The following SYNE3 variants were observed in gnomAD, a reference collection of about 807,000 sequenced individuals.
The protein encoded by SYNE3 is nesprin-3.
Under a neutral mutation model 111.2 loss-of-function variants are expected in SYNE3, and 100 were observed. The observed-to-expected ratio is 0.90, with a 90% CI of 0.77 to 1.06. SYNE3 has a LOEUF of 1.06. SYNE3 is among the 50% of genes least tolerant of loss of function. The pLI is 0.00. For missense variants in SYNE3, 1,160 were observed against 1,240.3 expected (o/e 0.94, Z 0.97); for synonymous variants, 547 against 533.9 (o/e 1.02, Z -0.34).
At chr14:95,501,756 A>G (rs545192331) in intron 1 of SYNE3, among the ~76,000 whole-genome samples, 1 of 152,342 alleles carries the variant, frequency 6.6e-6, no homozygotes, top group South Asian at 2.1e-4. Context: ...CAGCGCAGCA[A>G]AGCATGAAGT....
intron 4 of SYNE3, 96 bp from the exon 5 acceptor site, chr14:95,457,434 GT>G: frequency 6.9e-7 from 1 of 1,442,090 alleles, no homozygotes; most frequent in East Asian, 2.3e-5. Context: ...GTGTGTGTGT[GT>G]GTGTGTGTGT....
chr14:95,509,445 G>A (rs1348058176), intron 1 of SYNE3, among the ~76,000 whole-genome samples: 2 of 152,168 alleles, frequency 1.3e-5, no homozygotes, highest in Non-Finnish European at 2.9e-5. Context: ...CTGGGCTGAG[G>A]GGGTGAACTA....
rs1164705730 is a variant in SYNE3 at position 95,500,756 on chromosome 14, C to A, written c.-15+15840G>T. ...AGGACCCTGGGTTGTCCCCAGCAGC[C>A]CCATAGCAGAGTCACTGACCCTTCC... On this transcript the variant is annotated intron_variant, in intron 1 of 17. Transcript: ENST00000682763. This position sits in a 1 kb window ranked among gnomAD's most constrained non-coding sequence, Gnocchi z 4.7. Among the ~76,000 whole-genome samples, 2 of 152,168 alleles carry A rather than the reference C, an allele frequency of 1.3e-5. No individual in the cohort carries two copies. Among genetic ancestry groups the A allele is most frequent in the Non-Finnish European group, 2.9e-5 (2 of 68,034 alleles).
rs1015034213 is a variant in SYNE3, at chr14:95,500,185, T to C, written c.-15+16411A>G. Among the ~76,000 whole-genome samples, 1 of 152,126 alleles carries C rather than the reference T, an allele frequency of 6.6e-6. No homozygotes were observed. The highest frequency in any genetic ancestry group is 6.5e-5 in the Admixed American group (1 of 15,278). ...TACCTCCTGTCTTATATCTGAGATA[T>C]CCAGAGGACCCTTGAGACCTTCTCC... On this transcript the variant is annotated intron_variant, in intron 1 of 17. Coordinates refer to ENST00000682763, the MANE Select transcript of SYNE3 (RefSeq NM_152592.6). This position sits in a 1 kb window ranked among gnomAD's most constrained non-coding sequence, Gnocchi z 4.7.
chr14:95,469,566 C>G (rs1002550700), intron 2 of SYNE3, among the ~76,000 whole-genome samples: 1 of 148,972 alleles, frequency 6.7e-6, no homozygotes, highest in Non-Finnish European at 1.5e-5. Flanking sequence ...TAAAAATTAG[C>G]CGGATGTAGT....
intron 1 of SYNE3, among the ~76,000 whole-genome samples, chr14:95,507,088 T>C (rs1363145234): frequency 6.6e-6 from 1 of 152,288 alleles, no homozygotes; most frequent in East Asian, 1.9e-4. Flanking sequence ...ACCCCCACCT[T>C]ACAGCAAAGA....
chr14:95,470,126 G>A lies in SYNE3; in HGVS notation c.145-2159C>T, dbSNP rs968084943. On this transcript the variant is annotated intron_variant, in intron 2 of 17. Transcript: ENST00000682763. This position sits in a 1 kb window ranked among gnomAD's most constrained non-coding sequence, Gnocchi z 4.2. ...GTGGCCACAGCAAGTACCCACACAG[G>A]GACCCCGAGTCCCTCTCAGCAGCGA... Among the ~76,000 whole-genome samples the A allele has an allele frequency of 6.6e-6, 1 of 152,094 alleles. No individual in the cohort carries two copies. Among genetic ancestry groups the A allele is most frequent in the Non-Finnish European group, 1.5e-5 (1 of 68,004 alleles).
chr14:95,422,574 C>G (rs1382962263), intron 17 of SYNE3, among the ~76,000 whole-genome samples: 1 of 152,208 alleles, frequency 6.6e-6, no homozygotes, highest in Non-Finnish European at 1.5e-5. Context: ...TGTGCTCTGA[C>G]CTGGGGCCTG....
rs758563267 is a variant in SYNE3, at chr14:95,475,808, G to A, written c.14C>T (p.Pro5Leu). 42 of 1,568,158 alleles carry A rather than the reference G, an allele frequency of 2.7e-5. No individual in the cohort carries two copies. The highest frequency in any genetic ancestry group is 3.4e-5 in the Non-Finnish European group (40 of 1,159,464). MTQQ[P>L]QDDFDRSVED... Reference sequence around the variant, plus strand: ...CACGCTCCTGTCAAAGTCGTCCTGGGGCTGCTGAGTCATGGCACCTGCAGG... The same window carrying A: ...CACGCTCCTGTCAAAGTCGTCCTGGAGCTGCTGAGTCATGGCACCTGCAGG... Residue 5 changes from proline to leucine, a missense_variant, in exon 2 of 18, where the codon CCC becomes CTC. Pro to Leu is a moderately conservative substitution (Grantham distance 98). Transcript: ENST00000682763.
At chr14:95,491,107 C>T (rs532992114) in intron 1 of SYNE3, among the ~76,000 whole-genome samples, 2 of 152,250 alleles carry the variant, frequency 1.3e-5, no homozygotes, top group South Asian at 4.2e-4. Flanking sequence ...GCTGGAACTG[C>T]CCCCAGATTT....
At chr14:95,504,785 A>G (rs179161) in intron 1 of SYNE3, among the ~76,000 whole-genome samples, 95,758 of 151,928 alleles carry the variant, frequency 0.63, 30,925 homozygotes, top group African/African-American at 0.76. Flanking sequence ...GTTCGAGATC[A>G]GCCTGAACAA....
chr14:95,490,422 A>C (rs565539422), intron 1 of SYNE3, among the ~76,000 whole-genome samples: 1 of 152,356 alleles, frequency 6.6e-6, no homozygotes, highest in African/African-American at 2.4e-5. Flanking sequence ...AGCACCATAC[A>C]GGGCTTCAGA....
chr14:95,506,067 T>TA (rs949898168), intron 1 of SYNE3, among the ~76,000 whole-genome samples: 1 of 152,020 alleles, frequency 6.6e-6, no homozygotes, highest in African/African-American at 2.4e-5. Context: ...AAGAACAAGT[T>TA]AAAAAAATTT....
intron 1 of SYNE3, among the ~76,000 whole-genome samples, chr14:95,478,095 C>T (rs1888998742): frequency 6.6e-6 from 1 of 152,038 alleles, no homozygotes; most frequent in Non-Finnish European, 1.5e-5. Context: ...CAGATGAAAC[C>T]CAGGGACCCG....
chr14:95,426,231 C>T (rs1234127453), intron 17 of SYNE3, among the ~76,000 whole-genome samples: 7 of 152,180 alleles, frequency 4.6e-5, no homozygotes, highest in Non-Finnish European at 7.3e-5. Context: ...TGTAGACGGA[C>T]GGAGTGGCGA....
At chr14:95,513,737 T>TATATATATATATATA (rs1480614847) in intron 1 of SYNE3, among the ~76,000 whole-genome samples, 6 of 92,506 alleles carry the variant, frequency 6.5e-5, no homozygotes, top group African/African-American at 1.4e-4. Context: ...GCTGCTTAGA[T>TATATATATATATATA]TATATATATA....
At chr14:95,471,515 C>A (rs556978382) in intron 2 of SYNE3, among the ~76,000 whole-genome samples, 6 of 152,350 alleles carry the variant, frequency 3.9e-5, no homozygotes, top group African/African-American at 1.2e-4. Flanking sequence ...ACCAAGCCCC[C>A]TTCCCCGACC....
At chr14:95,491,005 G>T (rs1239136611) in intron 1 of SYNE3, among the ~76,000 whole-genome samples, 1 of 152,232 alleles carries the variant, frequency 6.6e-6, no homozygotes, top group Non-Finnish European at 1.5e-5. Context: ...AGAGGAGGAG[G>T]GCAGTGCTGC....
chr14:95,480,822 C>T (rs141088383), intron 1 of SYNE3, among the ~76,000 whole-genome samples: 5 of 152,188 alleles, frequency 3.3e-5, no homozygotes, highest in Admixed American at 1.3e-4. Flanking sequence ...AAGGACAGGC[C>T]CACACCACGT....
Sources: gnomAD v4.1 joint callset for allele counts (sites outside exome capture counted in the v4.1 genomes callset) on GRCh38, gnomAD v4.1.1 for gene constraint, Gnocchi (gnomAD v3.1) non-coding constraint, MANE v1.5 for transcripts, NCBI Gene and HGNC (gene_info 2026-07-23, HGNC 2026-07-21) for gene names.